Variants in NDUFAF6 observed in about 807,000 individuals in gnomAD.
The protein encoded by NDUFAF6 is NADH:ubiquinone oxidoreductase complex assembly factor 6, also known as NADH dehydrogenase (ubiquinone) complex I, assembly factor 6.
Under a neutral mutation model 40.8 loss-of-function variants are expected in NDUFAF6, and 45 were observed. The ratio of observed to expected loss-of-function variants is 1.10; its 90% CI spans 0.87 to 1.42. The LOEUF (loss-of-function observed/expected upper bound fraction) is 1.42. Among genes scored for constraint, NDUFAF6 ranks in the 40% most tolerant of loss-of-function variants. NDUFAF6 has a pLI of 0.00. For missense variants in NDUFAF6, 435 were observed against 418.5 expected, an observed-to-expected ratio of 1.04 and a Z score of -0.34; for synonymous variants, 185 against 155.9, an observed-to-expected ratio of 1.19 and a Z score of -1.39.
rs552138037 is a variant in NDUFAF6 at position 95,069,812 on chromosome 8, AAT to A, written c.*512-5807_*512-5806del. Among the ~76,000 whole-genome samples, 189 of 143,872 alleles carry A rather than the reference AAT, an allele frequency of 1.3e-3. 1 individual carries two copies. In the Middle Eastern group the frequency reaches 0.015, roughly 11 times the overall value. The allele number at this position is 143,872 out of a possible 152,430, so 94.4% of individuals were successfully genotyped here. On this transcript the variant is annotated intron_variant and NMD_transcript_variant, in intron 9 of 9. Coordinates refer to the NDUFAF6 transcript ENST00000520757. ...AAAAAAAATTATATATATATATATA[AAT>A]ATATATATATATAATATATATGTAT... is the stretch of plus-strand genomic sequence containing the variant.
chr8:94,922,658 T>C (rs903808820), intron 1 of NDUFAF6, among the ~76,000 whole-genome samples: 10 of 151,904 alleles, frequency 6.6e-5, no homozygotes, highest in African/African-American at 2.4e-4. Flanking sequence ...TTTGTGTTTT[T>C]AATAGAGATG....
chr8:94,900,642 G>A (rs1347053064), intron 1 of NDUFAF6, among the ~76,000 whole-genome samples: 1 of 152,198 alleles, frequency 6.6e-6, no homozygotes, highest in Non-Finnish European at 1.5e-5. Flanking sequence ...AGGCGGGAGG[G>A]CACAGAGTGC....
At chr8:95,000,927 GCT>G (rs1319271053) in intron 2 of NDUFAF6, among the ~76,000 whole-genome samples, 2 of 151,544 alleles carry the variant, frequency 1.3e-5, no homozygotes, top group Admixed American at 1.3e-4. Flanking sequence ...ACAGAGTGAG[GCT>G]CTGTTTCCAA....
intron 1 of NDUFAF6, chr8:94,975,799 T>C (rs1824866027): frequency 6.6e-6 from 1 of 152,250 alleles, no homozygotes; most frequent in African/African-American, 2.4e-5. Context: ...CTAATTATAA[T>C]GTGCTGTTAT....
chr8:94,977,331 AAG>A (rs1825043117), intron 1 of NDUFAF6, among the ~76,000 whole-genome samples: 1 of 151,516 alleles, frequency 6.6e-6, no homozygotes, highest in South Asian at 2.1e-4. Flanking sequence ...GGACAACAAA[AAG>A]AGAGCCTATC....
chr8:95,017,099 ATTTTTTT>A lies in NDUFAF6; in HGVS notation c.-83-14879_-83-14873del, dbSNP rs781650429. 1.4e-4 allele frequency among the ~76,000 whole-genome samples: 16 copies of A among 111,902 alleles called. No individual in the cohort carries two copies. The South Asian group carries it at 4.2e-3, about 30-fold the overall frequency. The allele number at this position is 111,902 out of a possible 152,430, so 73.4% of individuals were successfully genotyped here. ...AGGTGTACACTGCCATGCCCAGCTA[ATTTTTTT>A]TTTTTTTTTTTTTTTTGGGGACATG... On this transcript the variant is annotated intron_variant, in intron 2 of 9. Coordinates refer to the NDUFAF6 transcript ENST00000396111.
intron 2 of NDUFAF6, among the ~76,000 whole-genome samples, chr8:94,997,433 C>T (rs1258542811): frequency 6.6e-6 from 1 of 152,022 alleles, no homozygotes; most frequent in Non-Finnish European, 1.5e-5. Flanking sequence ...TTTTCTTCCA[C>T]TAGCAGATAT....
chr8:95,009,298 A>G (rs1408147083), intron 2 of NDUFAF6, among the ~76,000 whole-genome samples: 1 of 152,204 alleles, frequency 6.6e-6, no homozygotes, highest in Admixed American at 6.5e-5. Flanking sequence ...CAGCCAGCAC[A>G]TAATACATAT....
At chr8:94,967,407 G>C (rs1824092608) in intron 1 of NDUFAF6, among the ~76,000 whole-genome samples, 1 of 152,144 alleles carries the variant, frequency 6.6e-6, no homozygotes, top group Admixed American at 6.5e-5. Context: ...CCTAGAAAAA[G>C]TCCTGAAATT....
chr8:94,932,341 T>C (rs1355034391), intron 1 of NDUFAF6, among the ~76,000 whole-genome samples: 2 of 152,224 alleles, frequency 1.3e-5, no homozygotes, highest in East Asian at 3.8e-4. Flanking sequence ...CACCTCAATT[T>C]TCTGTGCTTT....
chr8:95,033,741 T>C (rs146976898), intron 2 of NDUFAF6, among the ~76,000 whole-genome samples: 15 of 152,288 alleles, frequency 9.8e-5, no homozygotes, highest in Admixed American at 3.9e-4. Flanking sequence ...GAGTGAGCTG[T>C]ACAGATATGT....
downstream of NDUFAF6, among the ~76,000 whole-genome samples, chr8:95,077,821 G>T (rs189400775): frequency 8.9e-4 from 136 of 152,278 alleles, no homozygotes; most frequent in African/African-American, 3.0e-3. Context: ...CCAGAAGCAA[G>T]CTCTTAGGCA....
chr8:95,090,960 G>C (rs1241969034), intron 2 of NDUFAF6, among the ~76,000 whole-genome samples: 1 of 140,650 alleles, frequency 7.1e-6, no homozygotes, highest in Non-Finnish European at 1.5e-5. Context: ...CAAGCTTGCA[G>C]ACAGCCTATT....
chr8:94,986,676 T>C lies in NDUFAF6; in HGVS notation c.-84+5703T>C, dbSNP rs536340226. On this transcript the variant is annotated intron_variant, in intron 2 of 9. Transcript: ENST00000396111. ...GCTTTTTCCTTAGGGTCCTCAAAGA[T>C]GAGGAAGGCTTTGTCTTTGTGAGAA... 1.0e-3 allele frequency among the ~76,000 whole-genome samples: 156 copies of C among 152,320 alleles called. 2 individuals carry two copies. The highest frequency in any genetic ancestry group is 3.7e-3 in the African/African-American group (152 of 41,572).
At chr8:94,980,506 T>TCAC (rs1825344027) in intron 1 of NDUFAF6, among the ~76,000 whole-genome samples, 1 of 144,226 alleles carries the variant, frequency 6.9e-6, no homozygotes, top group South Asian at 2.3e-4. Flanking sequence ...TGCAGTGGTG[T>TCAC]GATCTCGGCT....
chr8:95,057,089 G>C (rs1832268552), intron 8 of NDUFAF6, among the ~76,000 whole-genome samples: 1 of 152,134 alleles, frequency 6.6e-6, no homozygotes, highest in Admixed American at 6.5e-5. Context: ...ACTCTAGGGG[G>C]CGCTGCTTAT....
chr8:94,953,292 G>T (rs912950477), upstream of NDUFAF6, among the ~76,000 whole-genome samples: 2 of 151,648 alleles, frequency 1.3e-5, no homozygotes, highest in Non-Finnish European at 2.9e-5. Flanking sequence ...GGTTGCATGA[G>T]CCGAGATCGC....
intron 2 of NDUFAF6, among the ~76,000 whole-genome samples, chr8:94,987,035 A>C (rs1825946380): frequency 6.6e-6 from 1 of 152,216 alleles, no homozygotes; most frequent in South Asian, 2.1e-4. Flanking sequence ...TCAGCTTCAG[A>C]AATCAAACTT....
At chr8:94,957,804 C>G (rs1823209905), upstream of NDUFAF6, among the ~76,000 whole-genome samples, 2 of 152,102 alleles carry the variant, frequency 1.3e-5, no homozygotes, top group African/African-American at 2.4e-5. Flanking sequence ...GAGGGTTGTA[C>G]AGGGGAAAGA....
Sources: allele counts gnomAD v4.1 joint callset (sites outside exome capture counted in the v4.1 genomes callset), GRCh38; gene constraint gnomAD v4.1.1; transcripts MANE v1.5; gene names NCBI Gene and HGNC (gene_info 2026-07-23, HGNC 2026-07-21).